The following GABRB2 variants were observed in gnomAD, a reference collection of about 807,000 sequenced individuals.
GABRB2 encodes gamma-aminobutyric acid type A receptor subunit beta2.
In GABRB2, 16 loss-of-function variants were observed where a neutral mutation model predicts 54.7. The observed-to-expected ratio is 0.29, with a 90% CI of 0.20 to 0.44. GABRB2 has a LOEUF of 0.44. Among genes scored for constraint, GABRB2 ranks in the 20% least tolerant of loss-of-function variants. GABRB2 has a pLI of 1.00. For synonymous variants in GABRB2, 244 were observed against 233.8 expected, an observed-to-expected ratio of 1.04 and a Z score of -0.40; for missense variants, 355 against 644.0, an observed-to-expected ratio of 0.55 and a Z score of 4.86.
At chr5:161,294,914 G>C (rs1757340233) in intron 9 of GABRB2, among the ~76,000 whole-genome samples, 1 of 152,108 alleles carries the variant, frequency 6.6e-6, no homozygotes, top group Admixed American at 6.5e-5. Flanking sequence ...TCAAGTACTT[G>C]CCATTTATGT....
chr5:161,309,514 C>A (rs1757796456), intron 9 of GABRB2, among the ~76,000 whole-genome samples: 1 of 152,102 alleles, frequency 6.6e-6, no homozygotes, highest in African/African-American at 2.4e-5. Flanking sequence ...TGGGTATATA[C>A]CCAAATGAGT....
At chr5:161,543,572 G>A (rs552984771) in intron 3 of GABRB2, among the ~76,000 whole-genome samples, 28 of 152,244 alleles carry the variant, frequency 1.8e-4, no homozygotes, top group African/African-American at 6.5e-4. Flanking sequence ...CAAAAGAGAG[G>A]AGTCTGAATC....
At chr5:161,417,924 G>T (rs1668103722) in intron 4 of GABRB2, among the ~76,000 whole-genome samples, 1 of 152,148 alleles carries the variant, frequency 6.6e-6, no homozygotes, top group East Asian at 1.9e-4. Context: ...GCACTACTAC[G>T]CTCAACTTTG....
At chr5:161,396,723 A>G (rs1657593645) in intron 5 of GABRB2, among the ~76,000 whole-genome samples, 3 of 152,208 alleles carry the variant, frequency 2.0e-5, no homozygotes, top group African/African-American at 7.2e-5. Flanking sequence ...ATGTATTTAT[A>G]TATCAAAATA....
chr5:161,380,632 A>G (rs958825325), intron 5 of GABRB2, among the ~76,000 whole-genome samples: 1 of 141,690 alleles, frequency 7.1e-6, no homozygotes, highest in Non-Finnish European at 1.6e-5. Flanking sequence ...TGCTCTTGTG[A>G]AAAAAAAAAA....
In GABRB2 at chr5:161,522,134, G is replaced by A. The variant is rs185114673; in HGVS notation, c.237+23093C>T. Among the ~76,000 whole-genome samples, 3 of 151,760 alleles carry A rather than the reference G, an allele frequency of 2.0e-5. No individual in the cohort carries two copies. In the East Asian group the frequency reaches 5.8e-4, roughly 29 times the overall value. On this transcript the variant is annotated intron_variant, in intron 3 of 9. Coordinates refer to ENST00000393959, the MANE Select transcript of GABRB2 (RefSeq NM_001371727.1). Reference sequence around the variant, plus strand: ...TGTCATTTTCTGTATATGAATCTTGGATCTTTGTCATTTGAAGATAAAGCT... The same window carrying A: ...TGTCATTTTCTGTATATGAATCTTGAATCTTTGTCATTTGAAGATAAAGCT...
chr5:161,310,600 T>G (rs1452529772), intron 9 of GABRB2, among the ~76,000 whole-genome samples: 1 of 152,156 alleles, frequency 6.6e-6, no homozygotes, highest in Non-Finnish European at 1.5e-5. Context: ...ATTGCAATCA[T>G]TTCAGTTAAA....
intron 3 of GABRB2, among the ~76,000 whole-genome samples, chr5:161,514,270 C>A (rs1337711081): frequency 6.6e-6 from 1 of 152,098 alleles, no homozygotes; most frequent in Non-Finnish European, 1.5e-5. Context: ...TTAAATAAAA[C>A]CTCCTTGAAA....
At chr5:161,341,611 A>C (rs1433965003) in intron 5 of GABRB2, among the ~76,000 whole-genome samples, 1 of 151,738 alleles carries the variant, frequency 6.6e-6, no homozygotes, top group Non-Finnish European at 1.5e-5. Flanking sequence ...TAAGATACGA[A>C]TGGTAGATAC....
intron 3 of GABRB2, among the ~76,000 whole-genome samples, chr5:161,538,500 C>T (rs368324806): frequency 7.2e-5 from 11 of 152,156 alleles, no homozygotes; most frequent in African/African-American, 2.4e-5. Context: ...GGCATAAATA[C>T]AGTAAGAATC....
intron 3 of GABRB2, among the ~76,000 whole-genome samples, chr5:161,474,622 G>A (rs1035671082): frequency 6.6e-6 from 1 of 151,872 alleles, no homozygotes; most frequent in Admixed American, 6.6e-5. Flanking sequence ...AGGTATCAAT[G>A]TGTTCTGCTA....
intron 5 of GABRB2, among the ~76,000 whole-genome samples, chr5:161,364,714 T>G (rs1754925330): frequency 6.6e-6 from 1 of 152,174 alleles, no homozygotes; most frequent in Non-Finnish European, 1.5e-5. Context: ...TCCTTCTGGC[T>G]GACTGATAAT....
intron 5 of GABRB2, among the ~76,000 whole-genome samples, chr5:161,388,617 A>AT (rs1755720825): frequency 6.6e-6 from 1 of 152,020 alleles, no homozygotes; most frequent in South Asian, 2.1e-4. Flanking sequence ...ATCATTTAAG[A>AT]ATAATGATAT....
intron 5 of GABRB2, among the ~76,000 whole-genome samples, chr5:161,343,043 A>G (rs899864309): frequency 1.3e-5 from 2 of 152,064 alleles, no homozygotes; most frequent in East Asian, 1.9e-4. Context: ...AGCGCAGTCA[A>G]TGCCAATTAG....
At chr5:161,370,045 G>A (rs1755088468) in intron 5 of GABRB2, among the ~76,000 whole-genome samples, 1 of 152,082 alleles carries the variant, frequency 6.6e-6, no homozygotes, top group Non-Finnish European at 1.5e-5. Flanking sequence ...GATGGCTAAA[G>A]TTCAGTATGA....
chr5:161,462,749 T>A (rs1758150627), intron 3 of GABRB2, among the ~76,000 whole-genome samples: 1 of 152,174 alleles, frequency 6.6e-6, no homozygotes, highest in Non-Finnish European at 1.5e-5. Flanking sequence ...TTCTGCAAAC[T>A]GTCACATCAA....
At chr5:161,460,282 G>A (rs1476670818) in intron 3 of GABRB2, among the ~76,000 whole-genome samples, 1 of 152,042 alleles carries the variant, frequency 6.6e-6, no homozygotes, top group Admixed American at 6.6e-5. Flanking sequence ...GTGTGTGTGT[G>A]TGTGTGTGTG....
In GABRB2 at chr5:161,303,086, T is replaced by C. The variant is rs147598841; in HGVS notation, c.1192-8658A>G. On this transcript the variant is annotated intron_variant, in intron 9 of 9. Coordinates refer to ENST00000393959, the MANE Select transcript of GABRB2 (RefSeq NM_001371727.1). Reference sequence around the variant, plus strand: ...TCTATTATGCAATGATAAAGTTAAATCTTACAGCCAGACTATGAGAATGGA... The same window carrying C: ...TCTATTATGCAATGATAAAGTTAAACCTTACAGCCAGACTATGAGAATGGA... Among the ~76,000 whole-genome samples the C allele has an allele frequency of 4.3e-3, 656 of 152,366 alleles. 3 individuals are homozygous for C. Among genetic ancestry groups the C allele is most frequent in the Non-Finnish European group, 5.1e-3 (347 of 68,028 alleles).
Position 161,546,315 on chromosome 5 carries a change from C to G in GABRB2, c.169+7G>C. The G allele has an allele frequency of 6.2e-7, 1 of 1,612,576 alleles. No homozygotes were observed. The highest frequency in any genetic ancestry group is 8.5e-7 in the Non-Finnish European group (1 of 1,178,538). Reference sequence around the variant, plus strand: ...GGCTGGACTTATTTGCAAGGCAACCCCATTACCTCCAAAATCTGGTCTCAG... The same window carrying G: ...GGCTGGACTTATTTGCAAGGCAACCGCATTACCTCCAAAATCTGGTCTCAG... On this transcript the variant is annotated splice_region_variant and intron_variant, in intron 2 of 9. Coordinates refer to ENST00000393959, the MANE Select transcript of GABRB2 (RefSeq NM_001371727.1).
Sources: gnomAD v4.1 joint callset for allele counts (sites outside exome capture counted in the v4.1 genomes callset) on GRCh38, gnomAD v4.1.1 for gene constraint, MANE v1.5 for transcripts, NCBI Gene and HGNC (gene_info 2026-07-23, HGNC 2026-07-21) for gene names.